B3GALT1: variants seen among roughly 807,000 people sequenced by gnomAD.
B3GALT1 encodes UDP-Gal:betaGlcNAc beta 1,3-galactosyltransferase, polypeptide 1.
Under a neutral mutation model 23.2 loss-of-function variants are expected in B3GALT1, and 10 were observed. The observed-to-expected ratio is 0.43, with a 90% CI of 0.27 to 0.73. The LOEUF is 0.73. Among genes scored for constraint, B3GALT1 ranks in the 30% least tolerant of loss-of-function variants. The probability of loss-of-function intolerance (pLI) is 0.21; values close to 1 mark genes in which losing one functional copy is unlikely to be tolerated. For missense variants in B3GALT1, 299 were observed against 405.4 expected (o/e 0.74, Z 2.25); for synonymous variants, 156 against 141.5 (o/e 1.10, Z -0.73).
Position 167,870,128 on chromosome 2 carries a change from A to G in B3GALT1, c.*108A>G, listed in dbSNP as rs1051699530. The G allele has an allele frequency of 2.4e-6, 3 of 1,230,030 alleles. No individual in the cohort carries two copies. Among genetic ancestry groups the G allele is most frequent in the South Asian group, 1.8e-5 (1 of 55,470 alleles). 76.2% of individuals were successfully genotyped at this position (1,230,030 alleles called of 1,614,324 possible). On this transcript the variant is annotated 3_prime_UTR_variant, in exon 5 of 5. Transcript: ENST00000392690. Reference sequence around the variant, plus strand: ...AAATGAACTGGTGAAGGGGTTTTGTAAAGTTTTTGCTTCCTGCTATAAGTT... The same window carrying G: ...AAATGAACTGGTGAAGGGGTTTTGTGAAGTTTTTGCTTCCTGCTATAAGTT...
chr2:167,761,239 A>T (rs1022403746), intron 3 of B3GALT1, among the ~76,000 whole-genome samples: 1 of 152,250 alleles, frequency 6.6e-6, no homozygotes, highest in African/African-American at 2.4e-5. Context: ...AGCTGAAGAT[A>T]TATTTTCAAA....
At chr2:167,804,050 C>T (rs1296794786) in intron 3 of B3GALT1, among the ~76,000 whole-genome samples, 1 of 152,258 alleles carries the variant, frequency 6.6e-6, no homozygotes, top group East Asian at 1.9e-4. Flanking sequence ...GGCTGGAGTA[C>T]AGAGGCGTGA....
intron 4 of B3GALT1, among the ~76,000 whole-genome samples, chr2:167,840,135 T>C (rs1315833056): frequency 2.0e-5 from 3 of 151,400 alleles, no homozygotes; most frequent in Non-Finnish European, 4.4e-5. Context: ...ACTTCATGTC[T>C]AAAACACCAA....
chr2:167,295,087 A>C (rs995324074), intron 1 of B3GALT1, among the ~76,000 whole-genome samples: 10 of 152,248 alleles, frequency 6.6e-5, no homozygotes, highest in Non-Finnish European at 1.3e-4. Flanking sequence ...ATTTTAAAGC[A>C]GATGAATAAC....
chr2:167,315,141 T>C (rs1001469450), intron 1 of B3GALT1, among the ~76,000 whole-genome samples: 7 of 152,188 alleles, frequency 4.6e-5, no homozygotes, highest in African/African-American at 1.4e-4. Flanking sequence ...AAGAAGAGCT[T>C]GTTTGACATA....
chr2:167,439,859 T>C (rs1319284513), intron 1 of B3GALT1, among the ~76,000 whole-genome samples: 1 of 152,102 alleles, frequency 6.6e-6, no homozygotes, highest in Admixed American at 6.6e-5. Flanking sequence ...CCTCAATGTG[T>C]TAAACTACAT....
chr2:167,368,770 G>T (rs1352856004), intron 1 of B3GALT1, among the ~76,000 whole-genome samples: 3 of 152,088 alleles, frequency 2.0e-5, no homozygotes, highest in Non-Finnish European at 4.4e-5. Flanking sequence ...TTACCATGTT[G>T]TCTAACTATT....
At chr2:167,472,672 TC>T (rs1699434030) in intron 1 of B3GALT1, among the ~76,000 whole-genome samples, 1 of 152,160 alleles carries the variant, frequency 6.6e-6, no homozygotes, top group South Asian at 2.1e-4. Context: ...CTCTGAATGT[TC>T]CGTGCTCTTC....
At chr2:167,418,693 TTG>T (rs1230195399) in intron 1 of B3GALT1, among the ~76,000 whole-genome samples, 103 of 151,582 alleles carry the variant, frequency 6.8e-4, no homozygotes, top group African/African-American at 2.4e-3. Context: ...TTTTTTTTTT[TTG>T]AAATGGAGTT....
rs958037883 is a variant in B3GALT1 at position 167,392,505 on chromosome 2, AG to A, written c.-510-97670del. Among the ~76,000 whole-genome samples, 7 of 152,190 alleles carry A rather than the reference AG, an allele frequency of 4.6e-5. 1 individual carries two copies. The highest frequency in any genetic ancestry group is 1.0e-4 in the Non-Finnish European group (7 of 68,024). ...ATATAGTCTCAATTGTAATGGCTTT[AG>A]GACTGTCCATGCTAGGAAAGGTCAG... On this transcript the variant is annotated intron_variant, in intron 1 of 4. Coordinates refer to ENST00000392690, the MANE Select transcript of B3GALT1 (RefSeq NM_020981.4).
intron 4 of B3GALT1, among the ~76,000 whole-genome samples, chr2:167,860,603 G>A (rs1344101022): frequency 6.6e-5 from 10 of 152,126 alleles, no homozygotes; most frequent in Non-Finnish European, 1.3e-4. Context: ...TTTAACAGAA[G>A]TTATTCTGAG....
chr2:167,563,470 T>C (rs1684063919), intron 2 of B3GALT1, among the ~76,000 whole-genome samples: 2 of 103,480 alleles, frequency 1.9e-5, no homozygotes, highest in African/African-American at 8.8e-5. Context: ...GCTCCTCACT[T>C]CCCAGTAGGG....
At position 167,393,896 on chromosome 2, in the gene B3GALT1, C is replaced by T. The variant is rs1200868037; in HGVS notation, c.-510-96281C>T. Among the ~76,000 whole-genome samples, 5 of 152,312 alleles carry T rather than the reference C, an allele frequency of 3.3e-5. No individual in the cohort carries two copies. The East Asian group carries it at 9.6e-4, about 29-fold the overall frequency. ...ACATGGAGCAAGCAATATTGTCTTT[C>T]ATCATTATATTTAAATATAACAATT... On this transcript the variant is annotated intron_variant, in intron 1 of 4. Transcript: ENST00000392690.
chr2:167,669,988 A>G (rs551602247), intron 3 of B3GALT1, among the ~76,000 whole-genome samples: 1 of 152,302 alleles, frequency 6.6e-6, no homozygotes, highest in South Asian at 2.1e-4. Flanking sequence ...GATTCTAACT[A>G]CCTGAGAGAC....
intron 1 of B3GALT1, among the ~76,000 whole-genome samples, chr2:167,314,192 A>C (rs1696676057): frequency 6.6e-6 from 1 of 152,098 alleles, no homozygotes; most frequent in Non-Finnish European, 1.5e-5. Flanking sequence ...AATGTTGAAG[A>C]ATAAAATAAA....
At chr2:167,719,724 AG>A (rs1483923954) in intron 3 of B3GALT1, among the ~76,000 whole-genome samples, 2 of 152,214 alleles carry the variant, frequency 1.3e-5, no homozygotes, top group African/African-American at 4.8e-5. Flanking sequence ...AGAGGTCAGG[AG>A]TTCAAGACCA....
chr2:167,669,958 G>A (rs1414220128), intron 3 of B3GALT1, among the ~76,000 whole-genome samples: 1 of 152,116 alleles, frequency 6.6e-6, no homozygotes, highest in East Asian at 1.9e-4. Context: ...CCAGGGTTCA[G>A]AACTCCACAA....
chr2:167,628,044 T>A (rs1185051359), intron 2 of B3GALT1, among the ~76,000 whole-genome samples: 2 of 151,780 alleles, frequency 1.3e-5, no homozygotes, highest in Admixed American at 6.6e-5. Context: ...TTTAAAAAAA[T>A]TTGGATTATT....
chr2:167,687,648 A>G (rs1158845311), intron 3 of B3GALT1, among the ~76,000 whole-genome samples: 1 of 152,180 alleles, frequency 6.6e-6, no homozygotes, highest in Admixed American at 6.5e-5. Context: ...GAAGAAAAAT[A>G]AAAAACAAAT....
Sources: gnomAD v4.1 joint callset for allele counts (sites outside exome capture counted in the v4.1 genomes callset) on GRCh38, gnomAD v4.1.1 for gene constraint, MANE v1.5 for transcripts, NCBI Gene and HGNC (gene_info 2026-07-23, HGNC 2026-07-21) for gene names.